CNTN4: variants seen among roughly 807,000 people sequenced by gnomAD.
CNTN4 encodes contactin 4.
Under a neutral mutation model 122.5 loss-of-function variants are expected in CNTN4, and 77 were observed. The ratio of observed to expected loss-of-function variants is 0.63; its 90% CI spans 0.52 to 0.76. The LOEUF (loss-of-function observed/expected upper bound fraction) is 0.76, where lower values mean the gene tolerates loss of function less well. Ranked by LOEUF, CNTN4 falls within the 30% of genes least tolerant of loss-of-function variation. CNTN4 has a pLI of 0.00. For missense variants in CNTN4, 1,256 were observed against 1,259.1 expected (o/e 1.00, Z 0.04); for synonymous variants, 512 against 447.0 (o/e 1.15, Z -1.83).
chr3:2,288,810 CT>C (rs2042033719), intron 2 of CNTN4, among the ~76,000 whole-genome samples: 3 of 152,086 alleles, frequency 2.0e-5, no homozygotes, highest in African/African-American at 7.2e-5. Flanking sequence ...AAAATGTTGG[CT>C]GGAAAATGTT....
intron 6 of CNTN4, among the ~76,000 whole-genome samples, chr3:2,793,703 G>C (rs1375341540): frequency 1.3e-5 from 2 of 152,242 alleles, no homozygotes; most frequent in East Asian, 3.9e-4. Context: ...GCTGCTACCA[G>C]TATCGTATTA....
At chr3:2,890,708 T>A (rs1480452941) in intron 10 of CNTN4, among the ~76,000 whole-genome samples, 1 of 152,232 alleles carries the variant, frequency 6.6e-6, no homozygotes, top group South Asian at 2.1e-4. Context: ...GCCCTTTGGT[T>A]TGTCCCTACT....
intron 4 of CNTN4, among the ~76,000 whole-genome samples, chr3:2,670,036 G>C (rs997492965): frequency 1.3e-4 from 20 of 152,202 alleles, no homozygotes; most frequent in African/African-American, 4.8e-4. Flanking sequence ...TTTGGAATAA[G>C]TGTGATGTGG....
intron 3 of CNTN4, among the ~76,000 whole-genome samples, chr3:2,373,385 C>T (rs1427250310): frequency 6.6e-6 from 1 of 152,190 alleles, no homozygotes; most frequent in Non-Finnish European, 1.5e-5. Context: ...TCTGTACTTC[C>T]CAGGAATGCC....
intron 4 of CNTN4, among the ~76,000 whole-genome samples, chr3:2,613,194 G>C (rs1171731303): frequency 6.6e-6 from 1 of 152,088 alleles, no homozygotes; most frequent in Non-Finnish European, 1.5e-5. Flanking sequence ...TCCCTGTTCA[G>C]AAGAAAAAGT....
chr3:2,316,950 T>C (rs1315086162), intron 2 of CNTN4, among the ~76,000 whole-genome samples: 1 of 152,182 alleles, frequency 6.6e-6, no homozygotes, highest in African/African-American at 2.4e-5. Context: ...TTTCTTCCTC[T>C]AATTTCCCTT....
rs116535709 is a variant in CNTN4 at position 2,818,761 on chromosome 3, G to C, written c.359-725G>C. ...ATGTCTTATCTCTCTAACCAGACTT[G>C]ACCTTTTTGAGGTAATAAAACATTC... is the stretch of plus-strand genomic sequence containing the variant. On this transcript the variant is annotated intron_variant, in intron 6 of 24. Transcript: ENST00000418658. Among the ~76,000 whole-genome samples the C allele has an allele frequency of 6.4e-3, 974 of 152,238 alleles. 9 individuals are homozygous for C. The highest frequency in any genetic ancestry group is 0.022 in the African/African-American group (905 of 41,530).
chr3:2,507,336 G>GT (rs899895438), intron 3 of CNTN4, among the ~76,000 whole-genome samples: 13 of 151,916 alleles, frequency 8.6e-5, no homozygotes, highest in Admixed American at 4.6e-4. Flanking sequence ...AAAAATCAGG[G>GT]TTTTTTTTAA....
chr3:2,695,439 C>T (rs1469122208), intron 4 of CNTN4, among the ~76,000 whole-genome samples: 2 of 152,254 alleles, frequency 1.3e-5, no homozygotes, highest in Non-Finnish European at 2.9e-5. Flanking sequence ...TTTTTCAGAC[C>T]AAGTATATAG....
intron 3 of CNTN4, among the ~76,000 whole-genome samples, chr3:2,425,874 T>C (rs2047809532): frequency 6.6e-6 from 1 of 152,296 alleles, no homozygotes; most frequent in East Asian, 1.9e-4. Flanking sequence ...TGTTTGTCTC[T>C]TATTGGTGTA....
chr3:2,121,254 C>G (rs930549872), intron 2 of CNTN4, among the ~76,000 whole-genome samples: 1 of 152,184 alleles, frequency 6.6e-6, no homozygotes, highest in Non-Finnish European at 1.5e-5. Context: ...AATCCCAGCA[C>G]TCTGGGAGGC....
intron 6 of CNTN4, among the ~76,000 whole-genome samples, chr3:2,785,898 C>CCCT (rs1553639506): frequency 8.0e-6 from 1 of 125,756 alleles, no homozygotes; most frequent in Admixed American, 8.0e-5. Flanking sequence ...CCACGCTGCC[C>CCCT]CCCCCCGCCC....
intron 10 of CNTN4, among the ~76,000 whole-genome samples, chr3:2,892,906 G>A (rs190231051): frequency 1.8e-4 from 28 of 152,318 alleles, no homozygotes; most frequent in African/African-American, 6.7e-4. Context: ...AGGTAATGCA[G>A]TGAATGGGAA....
At position 2,128,568 on chromosome 3, in the gene CNTN4, G is replaced by A. The variant is rs117740830; in HGVS notation, c.-145+27929G>A. Among the ~76,000 whole-genome samples the A allele has an allele frequency of 3.2e-3, 493 of 152,178 alleles. 10 individuals are homozygous for A. The highest frequency in any genetic ancestry group is 0.026 in the Admixed American group (400 of 15,280). ...TGATCACAATCTGAAGACTGTGATCGACACTAAGACAGATTTTGTCAAACA... is the reference window on the plus strand; with the variant it reads ...TGATCACAATCTGAAGACTGTGATCAACACTAAGACAGATTTTGTCAAACA... On this transcript the variant is annotated intron_variant, in intron 2 of 24. Transcript: ENST00000418658.
rs560660223 is a variant in CNTN4 at position 2,329,578 on chromosome 3, A to G, written c.-144-9600A>G. Among the ~76,000 whole-genome samples the G allele has an allele frequency of 3.9e-5, 6 of 152,360 alleles. No individual in the cohort carries two copies. In the South Asian group the frequency reaches 1.0e-3, roughly 26 times the overall value. On this transcript the variant is annotated intron_variant, in intron 2 of 24. Coordinates refer to ENST00000418658, the MANE Select transcript of CNTN4 (RefSeq NM_175607.3). ...GTTAAGCACTCAAATGGCAATCACCAGGAATGAGGCCCACTACAGTCTAGG... is the reference window on the plus strand; with the variant it reads ...GTTAAGCACTCAAATGGCAATCACCGGGAATGAGGCCCACTACAGTCTAGG...
At position 3,057,191 on chromosome 3, in the gene CNTN4, A is replaced by G. The variant is rs1701854523; in HGVS notation, c.*971A>G. On this transcript the variant is annotated 3_prime_UTR_variant, in exon 25 of 25. Transcript: ENST00000418658. Reference sequence around the variant, plus strand: ...AATGGATTCGTAATTTCTTTACAAAATTTCTTATATATAATATGTGTATCT... The same window carrying G: ...AATGGATTCGTAATTTCTTTACAAAGTTTCTTATATATAATATGTGTATCT... The G allele has an allele frequency of 6.6e-6, 1 of 152,538 alleles. No homozygotes were observed. The highest frequency in any genetic ancestry group is 1.5e-5 in the Non-Finnish European group (1 of 68,042). 9.4% of individuals were successfully genotyped at this position (152,538 alleles called of 1,614,324 possible). A position where few individuals can be genotyped will look rare whatever the true frequency, so the allele number is the denominator to read the frequency against.
Position 2,747,347 on chromosome 3 carries a change from T to C in CNTN4, c.358+1650T>C, listed in dbSNP as rs558942737. Among the ~76,000 whole-genome samples, 16 of 151,258 alleles carry C rather than the reference T, an allele frequency of 1.1e-4. 1 individual carries two copies. The highest frequency in any genetic ancestry group is 3.4e-4 in the African/African-American group (14 of 41,018). On this transcript the variant is annotated intron_variant, in intron 6 of 24. Coordinates refer to ENST00000418658, the MANE Select transcript of CNTN4 (RefSeq NM_175607.3). ...TGGCGGGAACCCGGGAGGCGGAGCT[T>C]GCAGTGAGCCGAGATGGCGCCACTG...
intron 4 of CNTN4, among the ~76,000 whole-genome samples, chr3:2,687,633 T>A (rs1023203959): frequency 2.6e-5 from 4 of 152,174 alleles, no homozygotes; most frequent in Admixed American, 2.6e-4. Flanking sequence ...CCGAACAAGA[T>A]CCTGTCTCAA....
chr3:2,359,680 C>T (rs1228067549), intron 3 of CNTN4, among the ~76,000 whole-genome samples: 1 of 152,084 alleles, frequency 6.6e-6, no homozygotes, highest in African/African-American at 2.4e-5. Context: ...GTTGGGACTA[C>T]AGGCGCCCAC....
Sources: allele counts gnomAD v4.1 joint callset (sites outside exome capture counted in the v4.1 genomes callset), GRCh38; gene constraint gnomAD v4.1.1; transcripts MANE v1.5; gene names NCBI Gene and HGNC (gene_info 2026-07-23, HGNC 2026-07-21).